The following PRKCB variants were observed in gnomAD, a reference collection of about 807,000 sequenced individuals.
PRKCB encodes the protein protein kinase C beta type.
A neutral mutation model predicts 81.5 loss-of-function variants in PRKCB; 13 were observed. That is an observed-to-expected ratio of 0.16 (90% CI 0.10 to 0.25). The LOEUF is 0.25. PRKCB is among the 10% of genes least tolerant of loss of function. The probability of loss-of-function intolerance (pLI) is 1.00; values close to 1 mark genes in which losing one functional copy is unlikely to be tolerated. For synonymous variants in PRKCB, 335 were observed against 321.4 expected (o/e 1.04, Z -0.45); for missense variants, 509 against 875.7 (o/e 0.58, Z 5.29).
intron 16 of PRKCB, among the ~76,000 whole-genome samples, chr16:24,201,993 G>A (rs548915605): frequency 1.3e-5 from 2 of 149,924 alleles, no homozygotes; most frequent in African/African-American, 4.9e-5. Flanking sequence ...CTGAGATAGC[G>A]CCACTGCAGT....
At chr16:24,128,743 C>T (rs759662235) in intron 9 of PRKCB, among the ~76,000 whole-genome samples, 5 of 152,066 alleles carry the variant, frequency 3.3e-5, no homozygotes, top group Admixed American at 6.6e-5. Flanking sequence ...AGGGTACATG[C>T]GCAGGTTTGT....
At chr16:23,986,111 CA>C (rs1268104294) in intron 2 of PRKCB, among the ~76,000 whole-genome samples, 2 of 151,898 alleles carry the variant, frequency 1.3e-5, no homozygotes, top group African/African-American at 2.4e-5. Context: ...TATAAAAGTA[CA>C]AAAAAACTCC....
intron 8 of PRKCB, among the ~76,000 whole-genome samples, chr16:24,121,176 C>A (rs1427324493): frequency 6.6e-6 from 1 of 152,182 alleles, no homozygotes; most frequent in African/African-American, 2.4e-5. Flanking sequence ...CCCTCTGTTC[C>A]ATAAATGCTG....
chr16:24,079,307 G>A (rs150268407), intron 5 of PRKCB, among the ~76,000 whole-genome samples: 16 of 152,216 alleles, frequency 1.1e-4, no homozygotes, highest in African/African-American at 3.9e-4. Flanking sequence ...CTCTTCACAC[G>A]GACACACGTG....
intron 3 of PRKCB, among the ~76,000 whole-genome samples, chr16:23,989,000 G>T (rs552953219): frequency 6.6e-6 from 1 of 151,920 alleles, no homozygotes. Context: ...TTGCTCTATC[G>T]CCCAGGCTGG....
intron 13 of PRKCB, among the ~76,000 whole-genome samples, chr16:24,183,255 ATGT>A (rs1967655376): frequency 6.6e-6 from 1 of 152,202 alleles, no homozygotes; most frequent in Non-Finnish European, 1.5e-5. Context: ...CATGTGCAAC[ATGT>A]TGTTCTGAAA....
intron 2 of PRKCB, among the ~76,000 whole-genome samples, chr16:23,956,813 G>A (rs1964355116): frequency 6.6e-6 from 1 of 152,046 alleles, no homozygotes; most frequent in African/African-American, 2.4e-5. Context: ...GTCTTGGGAT[G>A]CAGGGGAGCT....
intron 2 of PRKCB, among the ~76,000 whole-genome samples, chr16:23,952,424 A>T (rs1964295970): frequency 6.6e-6 from 1 of 152,216 alleles, no homozygotes; most frequent in South Asian, 2.1e-4. Flanking sequence ...AAAATCTCTC[A>T]GAGGACCTGT....
intron 2 of PRKCB, among the ~76,000 whole-genome samples, chr16:23,847,570 A>ATCCC (rs1369314862): frequency 3.3e-5 from 5 of 149,516 alleles, no homozygotes; most frequent in African/African-American, 7.4e-5. Context: ...CCATCCATCC[A>ATCCC]TCCATCCGTC....
At chr16:24,072,914 A>G (rs1043432359) in intron 5 of PRKCB, among the ~76,000 whole-genome samples, 3 of 152,314 alleles carry the variant, frequency 2.0e-5, no homozygotes, top group Non-Finnish European at 2.9e-5. Context: ...CTGTTTAAAA[A>G]TGAAACTATT....
At chr16:24,149,025 G>A (rs927593843) in intron 9 of PRKCB, among the ~76,000 whole-genome samples, 2 of 152,200 alleles carry the variant, frequency 1.3e-5, no homozygotes, top group African/African-American at 4.8e-5. Flanking sequence ...TCACTGGTTG[G>A]TTGTGGCTTG....
chr16:24,154,971 A>G, intron 10 of PRKCB, 114 bp downstream of exon 10: 4 of 1,250,600 alleles, frequency 3.2e-6, no homozygotes, highest in Non-Finnish European at 4.4e-6. Flanking sequence ...CTTTCTAGAC[A>G]CAGAAAGATG....
chr16:24,165,956 G>A (rs1330397948), intron 10 of PRKCB, among the ~76,000 whole-genome samples: 1 of 147,540 alleles, frequency 6.8e-6, no homozygotes, highest in Non-Finnish European at 1.5e-5. Flanking sequence ...GCATGATCTG[G>A]GTTCACTGCA....
At chr16:23,952,834 A>G (rs1350411829) in intron 2 of PRKCB, among the ~76,000 whole-genome samples, 2 of 152,196 alleles carry the variant, frequency 1.3e-5, no homozygotes, top group Non-Finnish European at 2.9e-5. Context: ...TGCACTGTAC[A>G]CGAATCTGGA....
At chr16:23,973,525 A>T (rs1964585478) in intron 2 of PRKCB, among the ~76,000 whole-genome samples, 1 of 151,882 alleles carries the variant, frequency 6.6e-6, no homozygotes, top group South Asian at 2.1e-4. Flanking sequence ...AATCCCAGCA[A>T]CTCTATGAGT....
intron 10 of PRKCB, among the ~76,000 whole-genome samples, chr16:24,157,489 A>G (rs998364041): frequency 1.3e-5 from 2 of 150,996 alleles, no homozygotes; most frequent in Admixed American, 6.6e-5. Flanking sequence ...GTGAAGAAAG[A>G]CACGTGTGCT....
chr16:24,036,902 G>C (rs1264752199), intron 5 of PRKCB, among the ~76,000 whole-genome samples: 1 of 152,108 alleles, frequency 6.6e-6, no homozygotes, highest in African/African-American at 2.4e-5. Flanking sequence ...GCATGACTGC[G>C]GGCAGCCAAC....
intron 13 of PRKCB, among the ~76,000 whole-genome samples, chr16:24,181,282 C>A (rs1967617749): frequency 6.6e-6 from 1 of 152,282 alleles, no homozygotes; most frequent in Non-Finnish European, 1.5e-5. Context: ...GAGCATATCC[C>A]CTGGGCTGGC....
intron 5 of PRKCB, among the ~76,000 whole-genome samples, chr16:24,087,225 C>T (rs527666437): frequency 6.6e-6 from 1 of 152,328 alleles, no homozygotes. Flanking sequence ...CCAGATTTCA[C>T]TAATTGAACC....
Sources: allele counts gnomAD v4.1 joint callset (sites outside exome capture counted in the v4.1 genomes callset), GRCh38; gene constraint gnomAD v4.1.1; transcripts MANE v1.5; gene names NCBI Gene and HGNC (gene_info 2026-07-23, HGNC 2026-07-21).